The following AHR variants were observed in gnomAD, a reference collection of about 807,000 sequenced individuals.
AHR encodes the protein AH-receptor.
In AHR, 40 loss-of-function variants were observed where a neutral mutation model predicts 86.8. The observed-to-expected ratio is 0.46, with a 90% CI of 0.36 to 0.60. The LOEUF is 0.60. Ranked by LOEUF, AHR falls within the 20% of genes least tolerant of loss-of-function variation. AHR has a pLI of 0.00. For synonymous variants in AHR, 398 were observed against 354.9 expected (o/e 1.12, Z -1.37); for missense variants, 1,001 against 1,011.6 (o/e 0.99, Z 0.14).
chr7:17,303,012 C>G (rs1781969977), intron 1 of AHR, among the ~76,000 whole-genome samples: 1 of 151,958 alleles, frequency 6.6e-6, no homozygotes, highest in Non-Finnish European at 1.5e-5. Context: ...ATAGTACGTG[C>G]TTACTCATGT....
At chr7:17,338,613 C>A (rs934946488) in intron 9 of AHR, among the ~76,000 whole-genome samples, 3 of 152,176 alleles carry the variant, frequency 2.0e-5, no homozygotes, top group Non-Finnish European at 4.4e-5. Context: ...ACATCAGCCT[C>A]CCAAAGTGCT....
chr7:17,319,379 C>T (rs955513714), intron 2 of AHR, among the ~76,000 whole-genome samples: 4 of 152,032 alleles, frequency 2.6e-5, no homozygotes, highest in Non-Finnish European at 4.4e-5. Context: ...GCAAAGTGGG[C>T]GGTGGCTAAT....
chr7:17,299,840 C>T (rs935744977), intron 1 of AHR, among the ~76,000 whole-genome samples: 1 of 152,164 alleles, frequency 6.6e-6, no homozygotes, highest in Non-Finnish European at 1.5e-5. Flanking sequence ...TGGTCCCCAC[C>T]AACTGGCTTT....
intron 2 of AHR, among the ~76,000 whole-genome samples, chr7:17,320,158 T>C (rs1782154280): frequency 6.6e-6 from 1 of 152,048 alleles, no homozygotes; most frequent in African/African-American, 2.4e-5. Context: ...CTACTTCAAG[T>C]TCCTGTAATA....
chr7:17,301,741 A>G (rs1781956837), intron 1 of AHR, among the ~76,000 whole-genome samples: 1 of 151,968 alleles, frequency 6.6e-6, no homozygotes, highest in Non-Finnish European at 1.5e-5. Context: ...AAATGTGTTC[A>G]ATTTAATCCC....
At chr7:17,334,661 G>A (rs983194059) in intron 7 of AHR, among the ~76,000 whole-genome samples, 13 of 151,878 alleles carry the variant, frequency 8.6e-5, no homozygotes, top group African/African-American at 3.1e-4. Flanking sequence ...AATTTCCATG[G>A]ATTTATTCAG....
chr7:17,312,299 T>G (rs1274895099), intron 2 of AHR, among the ~76,000 whole-genome samples: 1 of 152,220 alleles, frequency 6.6e-6, no homozygotes, highest in African/African-American at 2.4e-5. Flanking sequence ...TTTATTGACT[T>G]GAGTCATTTT....
chr7:17,339,154 A>G lies in AHR; in HGVS notation c.1329A>G (p.Thr443=). The change falls in exon 10 of 11, where the codon ACA becomes ACG. Residue 443 remains threonine, a synonymous_variant. Transcript: ENST00000242057. ...NGTSGKDSAT[T]STLSKDSLNP... ...CTAGTGGAAAAGACTCTGCTACCAC[A>G]TCCACTCTAAGCAAGGACTCTCTCA... 6.2e-7 allele frequency: 1 copy of G among 1,614,148 alleles called. No individual in the cohort carries two copies. The highest frequency in any genetic ancestry group is 8.5e-7 in the Non-Finnish European group (1 of 1,180,016).
Position 17,345,954 on chromosome 7 carries a change from G to A in AHR, c.*2890G>A, listed in dbSNP as rs1044472058. 1 of 152,616 alleles carries A rather than the reference G, an allele frequency of 6.6e-6. No homozygotes were observed. The highest frequency in any genetic ancestry group is 2.4e-5 in the African/African-American group (1 of 41,410). 9.5% of individuals were successfully genotyped at this position (152,616 alleles called of 1,614,324 possible). A position where few individuals can be genotyped will look rare whatever the true frequency, so the allele number is the denominator to read the frequency against. On this transcript the variant is annotated 3_prime_UTR_variant, in exon 11 of 11. Transcript: ENST00000242057. ...TACCAGTATTCTAGTGTATTATGAA[G>A]CTTTCAACATTACTATGCACAAACT...
intron 2 of AHR, among the ~76,000 whole-genome samples, chr7:17,315,531 C>A (rs946871559): frequency 6.6e-6 from 1 of 151,838 alleles, no homozygotes; most frequent in Non-Finnish European, 1.5e-5. Flanking sequence ...GCTTATTTGG[C>A]CATGAACAGG....
chr7:17,338,834 A>G (rs180850025), intron 9 of AHR, 152 bp from the exon 10 acceptor site: 2 of 693,854 alleles, frequency 2.9e-6, no homozygotes, highest in East Asian at 5.9e-5. Context: ...TTATAGCACC[A>G]GTCATGAGAA....
chr7:17,299,185 C>T lies in AHR; in HGVS notation c.-80C>T. ...TCGCGGAACCCGGCGCCGGCCGCCG[C>T]AGTGGTCCCAGCCTACACCGGGTTC... On this transcript the variant is annotated 5_prime_UTR_variant, in exon 1 of 11. Coordinates refer to ENST00000242057, the MANE Select transcript of AHR (RefSeq NM_001621.5). The T allele has an allele frequency of 6.8e-7, 1 of 1,468,340 alleles. No individual in the cohort carries two copies. Among genetic ancestry groups the T allele is most frequent in the Non-Finnish European group, 9.0e-7 (1 of 1,105,680 alleles). 91.0% of individuals were successfully genotyped at this position (1,468,340 alleles called of 1,614,324 possible).
intron 2 of AHR, among the ~76,000 whole-genome samples, chr7:17,312,127 C>T (rs577179422): frequency 6.6e-6 from 1 of 152,316 alleles, no homozygotes; most frequent in East Asian, 1.9e-4. Context: ...CTCCTCCCAG[C>T]GTCACGGAAT....
intron 2 of AHR, among the ~76,000 whole-genome samples, chr7:17,321,736 C>T (rs1782175959): frequency 1.3e-5 from 2 of 151,744 alleles, no homozygotes; most frequent in Non-Finnish European, 2.9e-5. Context: ...AAAGCTATAC[C>T]GGAAAAGCCA....
At position 17,337,697 on chromosome 7, in the gene AHR, A is replaced by G. The variant is rs1168350114; in HGVS notation, c.1161-1289A>G. ...TCACCGTTTTAGCCAGGATGGTCTC[A>G]ATCTCCTGACCTCGTGATCCGCCCG... On this transcript the variant is annotated intron_variant, in intron 9 of 10. Transcript: ENST00000242057. Among the ~76,000 whole-genome samples the G allele has an allele frequency of 2.3e-3, 344 of 149,926 alleles. 2 individuals carry two copies. Among genetic ancestry groups the G allele is most frequent in the Non-Finnish European group, 2.7e-3 (184 of 67,194 alleles).
chr7:17,340,321 G>T, intron 10 of AHR, 93 bp downstream of exon 10: 3 of 1,440,686 alleles, frequency 2.1e-6, no homozygotes, highest in South Asian at 1.5e-5. Context: ...GATTTTAATC[G>T]GTTATCTACA....
chr7:17,327,674 A>C (rs1782243425), intron 3 of AHR, 85 bp from the exon 4 acceptor site: 1 of 665,008 alleles, frequency 1.5e-6, no homozygotes, highest in Admixed American at 2.6e-5. Flanking sequence ...TGAAGAGAAG[A>C]ATTTTCAGAG....
intron 2 of AHR, among the ~76,000 whole-genome samples, chr7:17,310,727 G>T (rs1234902297): frequency 6.6e-6 from 1 of 151,716 alleles, no homozygotes; most frequent in African/African-American, 2.4e-5. Flanking sequence ...TTAGAGATGG[G>T]GTTTCACTAT....
chr7:17,327,412 T>C (rs554497485), intron 3 of AHR, among the ~76,000 whole-genome samples: 1 of 151,742 alleles, frequency 6.6e-6, no homozygotes, highest in East Asian at 1.9e-4. Flanking sequence ...TGTTTCCCTC[T>C]AAAAAAAAGC....
Sources: allele counts gnomAD v4.1 joint callset (sites outside exome capture counted in the v4.1 genomes callset), GRCh38; gene constraint gnomAD v4.1.1; transcripts MANE v1.5; gene names NCBI Gene and HGNC (gene_info 2026-07-23, HGNC 2026-07-21).